Variants in PCDHA4 observed in about 807,000 individuals in gnomAD.
PCDHA4 encodes the protein protocadherin alpha-4.
Under a neutral mutation model 61.4 loss-of-function variants are expected in PCDHA4, and 49 were observed. That is an observed-to-expected ratio of 0.80 (90% CI 0.63 to 1.01). PCDHA4 has a LOEUF of 1.01. Among genes scored for constraint, PCDHA4 ranks in the 50% least tolerant of loss-of-function variants. PCDHA4 has a pLI of 0.00. For missense variants in PCDHA4, 1,254 were observed against 1,235.8 expected, an observed-to-expected ratio of 1.01 and a Z score of -0.22; for synonymous variants, 590 against 550.3, an observed-to-expected ratio of 1.07 and a Z score of -1.01.
At chr5:140,978,424 TCA>T (rs2096801674) in intron 1 of PCDHA4, among the ~76,000 whole-genome samples, 1 of 152,238 alleles carries the variant, frequency 6.6e-6, no homozygotes, top group Non-Finnish European at 1.5e-5. Flanking sequence ...GAGACTGTTA[TCA>T]GTTGCTGGTG....
At chr5:140,842,908 G>A (rs2150347706) in intron 1 of PCDHA4, 9 of 1,594,496 alleles carry the variant, frequency 5.6e-6, no homozygotes, top group African/African-American at 1.3e-5. Flanking sequence ...AGGAGCTAGA[G>A]CTGCTGCAGT....
intron 1 of PCDHA4, chr5:140,927,515 G>A (rs782499434): frequency 1.2e-6 from 2 of 1,614,100 alleles, no homozygotes; most frequent in South Asian, 1.1e-5. Flanking sequence ...GCTCGGGACG[G>A]CGGGCTACCT....
At chr5:140,972,625 G>A (rs2096544051) in intron 1 of PCDHA4, among the ~76,000 whole-genome samples, 1 of 151,044 alleles carries the variant, frequency 6.6e-6, no homozygotes, top group African/African-American at 2.4e-5. Flanking sequence ...AATGTTGTTG[G>A]CACTCCCTTC....
intron 1 of PCDHA4, among the ~76,000 whole-genome samples, chr5:140,939,041 T>G (rs2092303651): frequency 6.6e-6 from 1 of 152,222 alleles, no homozygotes; most frequent in Admixed American, 6.5e-5. Context: ...AAGAGTTGTC[T>G]TAGTCCATTT....
intron 1 of PCDHA4, among the ~76,000 whole-genome samples, chr5:140,890,900 A>G (rs1554184581): frequency 6.6e-6 from 1 of 151,984 alleles, no homozygotes; most frequent in Admixed American, 6.6e-5. Flanking sequence ...TTGTCTTTCC[A>G]TGTTAGAATA....
At chr5:140,843,026 C>T in intron 1 of PCDHA4, 2 of 1,595,146 alleles carry the variant, frequency 1.3e-6, no homozygotes, top group Non-Finnish European at 1.7e-6. Context: ...GCTGGAGCCT[C>T]GGGTGGGTGG....
intron 1 of PCDHA4, among the ~76,000 whole-genome samples, chr5:140,975,301 C>A (rs943526337): frequency 2.3e-4 from 35 of 152,200 alleles, no homozygotes; most frequent in African/African-American, 8.4e-4. Flanking sequence ...TTAAAGAGCT[C>A]ATGTGATTAT....
chr5:140,823,093 G>C lies in PCDHA4; in HGVS notation c.2385+13521G>C, dbSNP rs2150122208. ...GCCTTCGCTGTGGGCCACCGCCAGC[G>C]TGTCTGTGGAAGTGGCCGACGTGAA... On this transcript the variant is annotated intron_variant, in intron 1 of 3. Transcript: ENST00000530339. 7 of 1,614,058 alleles carry C rather than the reference G, an allele frequency of 4.3e-6. No individual in the cohort carries two copies. Among genetic ancestry groups the C allele is most frequent in the South Asian group, 3.3e-5 (3 of 91,080 alleles).
chr5:141,005,959 A>G (rs1225421383), intron 3 of PCDHA4, among the ~76,000 whole-genome samples: 1 of 152,048 alleles, frequency 6.6e-6, no homozygotes, highest in African/African-American at 2.4e-5. Context: ...ACAAACAACA[A>G]TAAAAAAACA....
intron 1 of PCDHA4, chr5:140,854,192 T>C: frequency 3.9e-6 from 2 of 506,570 alleles, no homozygotes; most frequent in Non-Finnish European, 5.1e-6. Flanking sequence ...GTTTAACTAC[T>C]CCCTACTTTT....
At chr5:140,892,152 C>T (rs1364975733) in intron 1 of PCDHA4, among the ~76,000 whole-genome samples, 1 of 152,118 alleles carries the variant, frequency 6.6e-6, no homozygotes, top group African/African-American at 2.4e-5. Context: ...GCGTCTATTT[C>T]TGATATGTCC....
intron 1 of PCDHA4, chr5:140,927,292 C>A: frequency 6.2e-7 from 1 of 1,614,162 alleles, no homozygotes; most frequent in East Asian, 2.2e-5. Flanking sequence ...GCTGCACATC[C>A]CCGAGTTCCT....
chr5:140,837,902 C>T (rs1358227516), intron 1 of PCDHA4, among the ~76,000 whole-genome samples: 2 of 151,630 alleles, frequency 1.3e-5, no homozygotes, highest in Non-Finnish European at 2.9e-5. Context: ...TGGTCTTGAA[C>T]TCCTGGCTTC....
chr5:140,966,998 C>G, intron 1 of PCDHA4: 1 of 1,604,774 alleles, frequency 6.2e-7, no homozygotes. Context: ...GGGTTGCTTG[C>G]GCATCAACCA....
intron 1 of PCDHA4, chr5:140,883,801 C>G: frequency 3.1e-6 from 5 of 1,612,430 alleles, no homozygotes; most frequent in Non-Finnish European, 4.2e-6. Flanking sequence ...TGTCGGTGCA[C>G]GCGGAGAGCG....
chr5:140,828,999 T>A lies in PCDHA4; in HGVS notation c.2385+19427T>A, dbSNP rs2150161798. On this transcript the variant is annotated intron_variant, in intron 1 of 3. Coordinates refer to ENST00000530339, the MANE Select transcript of PCDHA4 (RefSeq NM_018907.4). ...ATAGATCGAAATACGGGAGAAATAG[T>A]GATTCGGGGTAATTTGGATTTTGAA... The A allele has an allele frequency of 1.4e-5, 23 of 1,613,800 alleles. No individual in the cohort carries two copies. In the South Asian group the frequency reaches 2.4e-4, roughly 17 times the overall value.
chr5:140,873,837 T>C (rs554313859), intron 1 of PCDHA4, among the ~76,000 whole-genome samples: 1 of 152,210 alleles, frequency 6.6e-6, no homozygotes, highest in South Asian at 2.1e-4. Context: ...ATTTTTGTAT[T>C]TTTAGTAGAG....
At chr5:141,009,551 C>G (rs551736337) in intron 3 of PCDHA4, 76 bp from the exon 4 acceptor site, 1 of 1,561,992 alleles carries the variant, frequency 6.4e-7, no homozygotes, top group East Asian at 2.2e-5. Flanking sequence ...ATGCAGTACT[C>G]CTGTACTCTA....
Position 140,843,333 on chromosome 5 carries a change from A to G in PCDHA4, c.2385+33761A>G, listed in dbSNP as rs2150357637. 2.5e-6 allele frequency: 4 copies of G among 1,596,000 alleles called. No homozygotes were observed. The Admixed American group carries it at 5.1e-5, about 20-fold the overall frequency. ...GCCACGGTTCTGGTGTCGCTGGTGG[A>G]GAGCGGCCAGGCTCCAAAAGCGTCA... On this transcript the variant is annotated intron_variant, in intron 1 of 3. Transcript: ENST00000530339.
Sources: gnomAD v4.1 joint callset for allele counts (sites outside exome capture counted in the v4.1 genomes callset) on GRCh38, gnomAD v4.1.1 for gene constraint, MANE v1.5 for transcripts, NCBI Gene and HGNC (gene_info 2026-07-23, HGNC 2026-07-21) for gene names.